VPS13B: variants seen among roughly 807,000 people sequenced by gnomAD.
VPS13B encodes vacuolar protein sorting 13 homolog B.
VPS13B carries 285 observed loss-of-function variants against 426.4 expected under a neutral mutation model. The observed-to-expected ratio is 0.67, with a 90% CI of 0.61 to 0.74. VPS13B has a LOEUF of 0.74. Among genes scored for constraint, VPS13B ranks in the 30% least tolerant of loss-of-function variants. The pLI, the probability that VPS13B is intolerant of heterozygous loss-of-function variation, is 0.00. For missense variants in VPS13B, 4,537 were observed against 4,782.6 expected, an observed-to-expected ratio of 0.95 and a Z score of 1.51; for synonymous variants, 1,676 against 1,676.4, an observed-to-expected ratio of 1.00 and a Z score of 0.01.
At chr8:99,814,739 T>A (rs914585150) in intron 44 of VPS13B, among the ~76,000 whole-genome samples, 4 of 152,190 alleles carry the variant, frequency 2.6e-5, no homozygotes, top group Non-Finnish European at 5.9e-5. Context: ...TGCTGCCTTT[T>A]GATACCTAAC....
At chr8:99,205,494 A>T (rs982324395) in intron 17 of VPS13B, among the ~76,000 whole-genome samples, 23 of 152,158 alleles carry the variant, frequency 1.5e-4, no homozygotes, top group Non-Finnish European at 2.9e-4. Context: ...CCCAGAACTT[A>T]AAGTATAATA....
At chr8:99,314,686 T>C (rs971176925) in intron 19 of VPS13B, among the ~76,000 whole-genome samples, 8 of 151,586 alleles carry the variant, frequency 5.3e-5, no homozygotes, top group African/African-American at 1.7e-4. Flanking sequence ...CCTGGCCTCA[T>C]GCAATCCTCC....
intron 33 of VPS13B, among the ~76,000 whole-genome samples, chr8:99,605,830 C>G (rs938371487): frequency 1.3e-5 from 2 of 152,126 alleles, no homozygotes; most frequent in African/African-American, 2.4e-5. Context: ...AAATTAGGTT[C>G]AGGGTCATAA....
intron 3 of VPS13B, among the ~76,000 whole-genome samples, chr8:99,079,198 C>A (rs541620681): frequency 6.6e-6 from 1 of 151,704 alleles, no homozygotes; most frequent in Non-Finnish European, 1.5e-5. Flanking sequence ...ATGGCAGTAG[C>A]GGTGGGTTGG....
chr8:99,111,305 A>T, intron 6 of VPS13B, 26 bp downstream of exon 6: 2 of 1,571,968 alleles, frequency 1.3e-6, no homozygotes. Context: ...TTTTGCAGTT[A>T]AGTTGCATGT....
intron 40 of VPS13B, among the ~76,000 whole-genome samples, chr8:99,773,165 C>T (rs1041119266): frequency 6.6e-6 from 1 of 152,116 alleles, no homozygotes; most frequent in African/African-American, 2.4e-5. Flanking sequence ...GGTCTAATTA[C>T]TGTACTCATT....
At chr8:99,037,713 C>A (rs142246713) in intron 2 of VPS13B, among the ~76,000 whole-genome samples, 1 of 152,038 alleles carries the variant, frequency 6.6e-6, no homozygotes, top group Admixed American at 6.5e-5. Flanking sequence ...GAGCATAAAG[C>A]AATTTTGGTG....
chr8:99,771,974 C>T (rs1246609498), intron 40 of VPS13B, among the ~76,000 whole-genome samples: 1 of 152,174 alleles, frequency 6.6e-6, no homozygotes, highest in Non-Finnish European at 1.5e-5. Context: ...GGAATACTTA[C>T]ATTTTTTCCC....
At chr8:99,744,913 A>C (rs188680804) in intron 39 of VPS13B, among the ~76,000 whole-genome samples, 114 of 152,258 alleles carry the variant, frequency 7.5e-4, no homozygotes, top group Middle Eastern at 3.4e-3. Flanking sequence ...TGGCACATGT[A>C]TACATATGTA....
chr8:99,418,498 T>TCTTTCTTG (rs1554779755), intron 21 of VPS13B, among the ~76,000 whole-genome samples: 9 of 143,004 alleles, frequency 6.3e-5, no homozygotes, highest in African/African-American at 2.5e-4. Flanking sequence ...TTTCTTTCTT[T>TCTTTCTTG]CTTTCTTTCT....
intron 33 of VPS13B, among the ~76,000 whole-genome samples, chr8:99,611,308 AT>A (rs1827836351): frequency 1.3e-5 from 2 of 152,082 alleles, no homozygotes; most frequent in African/African-American, 4.8e-5. Flanking sequence ...AATCAGATTC[AT>A]TTTTGTCAGT....
intron 17 of VPS13B, among the ~76,000 whole-genome samples, chr8:99,219,061 T>G (rs1240366284): frequency 6.6e-6 from 1 of 152,186 alleles, no homozygotes; most frequent in African/African-American, 2.4e-5. Context: ...GTGACCCAGA[T>G]TATCTGATCA....
intron 12 of VPS13B, among the ~76,000 whole-genome samples, chr8:99,141,217 G>A (rs1455767502): frequency 1.3e-5 from 2 of 152,184 alleles, no homozygotes; most frequent in Non-Finnish European, 2.9e-5. Flanking sequence ...CAAGTAAATA[G>A]CTGAAAATAT....
intron 35 of VPS13B, among the ~76,000 whole-genome samples, chr8:99,668,970 A>G (rs907756293): frequency 6.6e-6 from 1 of 152,138 alleles, no homozygotes; most frequent in Non-Finnish European, 1.5e-5. Flanking sequence ...TAATAAATCC[A>G]TTCCCAACCA....
intron 2 of VPS13B, among the ~76,000 whole-genome samples, chr8:99,017,898 T>C (rs866018013): frequency 6.6e-6 from 1 of 152,374 alleles, no homozygotes; most frequent in Middle Eastern, 3.4e-3. Context: ...CGATCAATTT[T>C]GGATGAATTA....
chr8:99,706,385 A>G (rs913210931), intron 36 of VPS13B, among the ~76,000 whole-genome samples: 2 of 152,128 alleles, frequency 1.3e-5, no homozygotes, highest in African/African-American at 2.4e-5. Context: ...CATCCCTTGT[A>G]TTTTTACACA....
At chr8:99,620,917 C>T (rs561641297) in intron 33 of VPS13B, among the ~76,000 whole-genome samples, 2 of 139,880 alleles carry the variant, frequency 1.4e-5, no homozygotes, top group African/African-American at 2.7e-5. Flanking sequence ...ACCTGGGAGG[C>T]GGAGTTTGCA....
chr8:99,101,289 G>T (rs1297776050), intron 4 of VPS13B, among the ~76,000 whole-genome samples: 1 of 152,040 alleles, frequency 6.6e-6, no homozygotes, highest in East Asian at 2.0e-4. Flanking sequence ...CTGCCACCAC[G>T]CCCGGCTAAT....
At chr8:99,682,747 G>A (rs1370439385) in intron 35 of VPS13B, among the ~76,000 whole-genome samples, 2 of 152,130 alleles carry the variant, frequency 1.3e-5, no homozygotes, top group Non-Finnish European at 2.9e-5. Context: ...ACCCCTGCCT[G>A]GCTATCCGCC....
Sources: allele counts gnomAD v4.1 joint callset (sites outside exome capture counted in the v4.1 genomes callset), GRCh38; gene constraint gnomAD v4.1.1; transcripts MANE v1.5; gene names NCBI Gene and HGNC (gene_info 2026-07-23, HGNC 2026-07-21).